The following DNAI2 variants were observed in gnomAD, a reference collection of about 807,000 sequenced individuals.
The protein encoded by DNAI2 is dynein, axonemal, intermediate polypeptide 2.
In DNAI2, 63 loss-of-function variants were observed where a neutral mutation model predicts 74.7. The observed-to-expected ratio is 0.84, with a 90% CI of 0.69 to 1.04. The LOEUF (loss-of-function observed/expected upper bound fraction) is 1.04. Ranked by LOEUF, DNAI2 falls within the 50% of genes least tolerant of loss-of-function variation. The pLI is 0.00. For missense variants in DNAI2, 688 were observed against 803.2 expected (o/e 0.86, Z 1.73); for synonymous variants, 289 against 314.9 (o/e 0.92, Z 0.87).
At chr17:74,313,018 G>T (rs954211654) in intron 12 of DNAI2, among the ~76,000 whole-genome samples, 11 of 152,328 alleles carry the variant, frequency 7.2e-5, no homozygotes, top group Middle Eastern at 3.4e-3. Context: ...GGGATTGCAG[G>T]CACTGCAAAA....
Position 74,285,053 on chromosome 17 carries a change from G to T in DNAI2, c.197G>T (p.Arg66Leu), listed in dbSNP as rs147470752. Residue 66 changes from arginine to leucine, a missense_variant, in exon 3 of 14, where the codon CGG (arginine) becomes CTG (leucine). Transcript: ENST00000311014. ...SMSEHEANSE[R>L]FEMETRGVNH... ...CTCTCTGTTTAGGCCAACTCAGAGC[G>T]GTTTGAGATGGAGACCCGGGGAGTT... 2.4e-4 allele frequency: 389 copies of T among 1,614,216 alleles called. 1 individual carries two copies. The African/African-American group carries it at 4.0e-3, about 17-fold the overall frequency.
intron 8 of DNAI2, among the ~76,000 whole-genome samples, chr17:74,301,862 AGAAGGAAGGAAGGAAG>A (rs761320355): frequency 6.7e-4 from 45 of 67,356 alleles, no homozygotes; most frequent in Non-Finnish European, 1.2e-3. Flanking sequence ...AAGGAAGGAA[AGAAGGAAGGAAGGAAG>A]GAAGGAAGGA....
At chr17:74,313,951 C>G in intron 12 of DNAI2, 170 bp from the exon 13 acceptor site, 2 of 997,954 alleles carry the variant, frequency 2.0e-6, no homozygotes, top group Non-Finnish European at 3.0e-6. Flanking sequence ...ACTTTCCGCA[C>G]TGTCTGGGCC....
At chr17:74,314,458 G>C (rs781052507) in intron 13 of DNAI2, 131 bp from the exon 14 acceptor site, 1 of 713,422 alleles carries the variant, frequency 1.4e-6, no homozygotes, top group South Asian at 1.7e-5. Context: ...CCCGGAGCTG[G>C]CTGCCCCATT....
In DNAI2 at chr17:74,299,210, C is replaced by G. The variant is rs76871435; in HGVS notation, c.725-508C>G. Among the ~76,000 whole-genome samples, 930 of 152,310 alleles carry G rather than the reference C, an allele frequency of 6.1e-3. 8 individuals carry two copies. The highest frequency in any genetic ancestry group is 0.021 in the African/African-American group (867 of 41,564). ...AAGGCTAAAGCTCCTCTGTGAGTTT[C>G]TTTCCAACAGAGGCAGCAGAGGTAC... On this transcript the variant is annotated intron_variant, in intron 6 of 13. Transcript: ENST00000311014.
At chr17:74,309,759 G>A in intron 10 of DNAI2, 1 of 637,270 alleles carries the variant, frequency 1.6e-6, no homozygotes, top group Non-Finnish European at 2.8e-6. Context: ...ACTGGCTGGG[G>A]CCACGGAAGG....
rs574010309 is a variant in DNAI2, at chr17:74,275,086, C to T, written c.-12+741C>T. Among the ~76,000 whole-genome samples the T allele has an allele frequency of 9.2e-5, 14 of 152,302 alleles. No homozygotes were observed. In the South Asian group the frequency reaches 2.5e-3, roughly 27 times the overall value. ...GAGCTGTAGAGAGAAGCCTGGTAGG[C>T]GCTGGTATCACAGTCACTAACGCAG... On this transcript the variant is annotated intron_variant, in intron 1 of 13. Coordinates refer to ENST00000311014, the MANE Select transcript of DNAI2 (RefSeq NM_023036.6).
chr17:74,308,072 A>T (rs2053292004), intron 9 of DNAI2, among the ~76,000 whole-genome samples: 1 of 152,156 alleles, frequency 6.6e-6, no homozygotes, highest in African/African-American at 2.4e-5. Flanking sequence ...TCCTGGGATG[A>T]CAGGCATGAG....
In DNAI2 at chr17:74,290,892, T is replaced by C. The variant is rs1158440669; in HGVS notation, c.611-128T>C. On this transcript the variant is annotated intron_variant, in intron 5 of 13. Coordinates refer to ENST00000311014, the MANE Select transcript of DNAI2 (RefSeq NM_023036.6). Reference sequence around the variant, plus strand: ...CAGGGGGTGCAGGCTGGGGAAAGACTGGAGGGGCTTCCAGGCTTCCCCCTC... The same window carrying C: ...CAGGGGGTGCAGGCTGGGGAAAGACCGGAGGGGCTTCCAGGCTTCCCCCTC... 4 of 836,738 alleles carry C rather than the reference T, an allele frequency of 4.8e-6. No individual in the cohort carries two copies. The South Asian group carries it at 5.3e-5, about 11-fold the overall frequency. 51.8% of individuals were successfully genotyped at this position (836,738 alleles called of 1,614,324 possible). A position where few individuals can be genotyped will look rare whatever the true frequency, so the allele number is the denominator to read the frequency against.
intron 12 of DNAI2, 139 bp from the exon 13 acceptor site, chr17:74,313,982 C>T: frequency 7.1e-7 from 1 of 1,408,196 alleles, no homozygotes; most frequent in Non-Finnish European, 9.9e-7. Context: ...GCAGAGCTGG[C>T]ACCCGGGTTC....
At chr17:74,307,187 C>A (rs1458413665) in intron 9 of DNAI2, 1 of 454,358 alleles carries the variant, frequency 2.2e-6, no homozygotes, top group Non-Finnish European at 4.4e-6. Context: ...GCTTTAGGAG[C>A]CTTCCCAATG....
intron 7 of DNAI2, 134 bp downstream of exon 7, chr17:74,299,991 C>G (rs1473477714): frequency 2.9e-6 from 4 of 1,366,184 alleles, no homozygotes; most frequent in Non-Finnish European, 4.0e-6. Flanking sequence ...TCTTGTTGCC[C>G]AGGCTGGAGT....
At chr17:74,291,366 G>A (rs1225991438) in intron 6 of DNAI2, among the ~76,000 whole-genome samples, 1 of 152,128 alleles carries the variant, frequency 6.6e-6, no homozygotes, top group Non-Finnish European at 1.5e-5. Flanking sequence ...GTTTCACCAT[G>A]TTGGCCAGGC....
intron 5 of DNAI2, 29 bp from the exon 6 acceptor site, chr17:74,290,991 G>A: frequency 6.3e-7 from 1 of 1,593,950 alleles, no homozygotes; most frequent in Non-Finnish European, 8.6e-7. Context: ...TTCCGGGCCT[G>A]GTGGGGATAA....
At chr17:74,290,885 G>A (rs1402765134) in intron 5 of DNAI2, 135 bp from the exon 6 acceptor site, 1 of 813,844 alleles carries the variant, frequency 1.2e-6, no homozygotes, top group Non-Finnish European at 2.2e-6. Context: ...GCAGGCTGGG[G>A]AAAGACTGGA....
rs148247110 is a variant in DNAI2, at chr17:74,275,989, C to T, written c.-12+1644C>T. ...AACCCAGTAGGGGCTGTACCAGGGACCAAGAAGAAGAGGAAAATGTTCTCA... is the reference window on the plus strand; with the variant it reads ...AACCCAGTAGGGGCTGTACCAGGGATCAAGAAGAAGAGGAAAATGTTCTCA... On this transcript the variant is annotated intron_variant, in intron 1 of 13. Coordinates refer to ENST00000311014, the MANE Select transcript of DNAI2 (RefSeq NM_023036.6). Among the ~76,000 whole-genome samples, 294 of 152,202 alleles carry T rather than the reference C, an allele frequency of 1.9e-3. 1 individual carries two copies. The highest frequency in any genetic ancestry group is 6.8e-3 in the African/African-American group (283 of 41,522).
At position 74,307,612 on chromosome 17, in the gene DNAI2, G is replaced by A. The variant is rs966461672; in HGVS notation, c.1212-1641G>A. Among the ~76,000 whole-genome samples, 150 of 152,034 alleles carry A rather than the reference G, an allele frequency of 9.9e-4. 1 individual carries two copies. Among genetic ancestry groups the A allele is most frequent in the Admixed American group, 1.5e-3 (23 of 15,274 alleles). On this transcript the variant is annotated intron_variant, in intron 9 of 13. Transcript: ENST00000311014. ...TGAGATCAGGAGTTCAAGACCAGCC[G>A]AGATTGCGCCACTGCACTCCAGCCT... is the stretch of plus-strand genomic sequence containing the variant.
intron 1 of DNAI2, among the ~76,000 whole-genome samples, chr17:74,280,695 T>C (rs888538144): frequency 6.6e-6 from 1 of 152,182 alleles, no homozygotes; most frequent in Non-Finnish European, 1.5e-5. Context: ...CTCAAATCTG[T>C]GTCCTGTGTG....
At chr17:74,302,352 G>A (rs2052906756) in intron 8 of DNAI2, among the ~76,000 whole-genome samples, 3 of 152,234 alleles carry the variant, frequency 2.0e-5, no homozygotes, top group Admixed American at 1.3e-4. Context: ...CGGATCACCT[G>A]AGGTTGGGAG....
Sources: allele counts gnomAD v4.1 joint callset (sites outside exome capture counted in the v4.1 genomes callset), GRCh38; gene constraint gnomAD v4.1.1; transcripts MANE v1.5; gene names NCBI Gene and HGNC (gene_info 2026-07-23, HGNC 2026-07-21).